RGS6: variants seen among roughly 807,000 people sequenced by gnomAD.
The protein encoded by RGS6 is regulator of G protein signaling 6, also known as regulator of G-protein signaling 6.
Under a neutral mutation model 78.5 loss-of-function variants are expected in RGS6, and 30 were observed. That is an observed-to-expected ratio of 0.38 (90% confidence interval 0.29 to 0.52). The LOEUF (loss-of-function observed/expected upper bound fraction) is 0.52, where lower values mean the gene tolerates loss of function less well. Ranked by LOEUF, RGS6 falls within the 20% of genes least tolerant of loss-of-function variation. The probability of loss-of-function intolerance (pLI) is 0.85; values close to 1 mark genes in which losing one functional copy is unlikely to be tolerated. For missense variants in RGS6, 495 were observed against 609.7 expected (o/e 0.81, Z 1.98); for synonymous variants, 206 against 206.0 (o/e 1.00, Z 0.00).
At chr14:72,329,921 C>G (rs1459445663) in intron 2 of RGS6, among the ~76,000 whole-genome samples, 1 of 152,208 alleles carries the variant, frequency 6.6e-6, no homozygotes, top group East Asian at 1.9e-4. Flanking sequence ...CTGCCCTTCT[C>G]TACTCAGTGA....
At chr14:72,121,519 A>G (rs2096052990) in intron 2 of RGS6, among the ~76,000 whole-genome samples, 1 of 152,136 alleles carries the variant, frequency 6.6e-6, no homozygotes, top group African/African-American at 2.4e-5. Context: ...ATTAGGGATC[A>G]CAGAGTGATC....
intron 2 of RGS6, among the ~76,000 whole-genome samples, chr14:72,282,600 A>G (rs890328621): frequency 2.0e-5 from 3 of 152,162 alleles, no homozygotes; most frequent in African/African-American, 7.2e-5. Flanking sequence ...AAGTTTTAAC[A>G]GCTTTTTTGA....
chr14:72,062,052 T>A (rs181669660), intron 2 of RGS6, among the ~76,000 whole-genome samples: 93 of 152,294 alleles, frequency 6.1e-4, no homozygotes, highest in South Asian at 1.0e-3. Context: ...TGATGAGAGT[T>A]ATAAAGACAA....
intron 2 of RGS6, among the ~76,000 whole-genome samples, chr14:72,340,209 A>G (rs1400668865): frequency 2.0e-5 from 3 of 152,112 alleles, no homozygotes; most frequent in African/African-American, 4.8e-5. Flanking sequence ...CTACACTACA[A>G]TTTATCTCAG....
At chr14:72,602,394 G>A in the RGS6 span, among the ~76,000 whole-genome samples, 14 of 152,160 alleles carry the variant, frequency 9.2e-5, no homozygotes, top group South Asian at 2.1e-4. Flanking sequence ...TAATCCTCAC[G>A]GCAACCCTAC....
chr14:72,266,725 C>T (rs2059124529), intron 2 of RGS6, among the ~76,000 whole-genome samples: 1 of 152,206 alleles, frequency 6.6e-6, no homozygotes, highest in Non-Finnish European at 1.5e-5. Flanking sequence ...CTGAACTAAA[C>T]TGATGGCCTT....
chr14:72,613,293 G>C, the RGS6 span, among the ~76,000 whole-genome samples: 188 of 152,218 alleles, frequency 1.2e-3, no homozygotes, highest in African/African-American at 4.1e-3. Flanking sequence ...GCGTTTATTT[G>C]CTAGACAGGG....
At chr14:72,590,045 C>T in the RGS6 span, among the ~76,000 whole-genome samples, 1 of 152,174 alleles carries the variant, frequency 6.6e-6, no homozygotes, top group Non-Finnish European at 1.5e-5. Flanking sequence ...AAAAGATGCT[C>T]AACATTAGTA....
chr14:72,446,920 G>A (rs1336473644), intron 3 of RGS6, among the ~76,000 whole-genome samples: 2 of 152,118 alleles, frequency 1.3e-5, no homozygotes, highest in Non-Finnish European at 2.9e-5. Context: ...GGGAGGGGCT[G>A]TAAATACAGA....
chr14:72,533,847 A>G (rs2097211960), intron 15 of RGS6, among the ~76,000 whole-genome samples: 1 of 152,248 alleles, frequency 6.6e-6, no homozygotes, highest in Non-Finnish European at 1.5e-5. Context: ...TTCCTATGGA[A>G]GAGTAAAGAA....
chr14:72,092,048 G>GTC (rs2095286071), intron 2 of RGS6, among the ~76,000 whole-genome samples: 2 of 146,090 alleles, frequency 1.4e-5, no homozygotes, highest in Non-Finnish European at 1.5e-5. Flanking sequence ...TTTTGAGACA[G>GTC]TCTCTCTCTC....
chr14:71,993,536 A>G (rs905643324), intron 2 of RGS6, among the ~76,000 whole-genome samples: 1 of 152,176 alleles, frequency 6.6e-6, no homozygotes, highest in South Asian at 2.1e-4. Context: ...TATTGTTGTT[A>G]TCCTTACTTT....
chr14:71,884,495 G>T, the RGS6 span, among the ~76,000 whole-genome samples: 3 of 152,300 alleles, frequency 2.0e-5, no homozygotes, highest in South Asian at 6.2e-4. Context: ...GTTCATTTTA[G>T]AACTTTACAT....
chr14:72,282,748 C>T lies in RGS6; in HGVS notation c.85-69347C>T, dbSNP rs544119028. On this transcript the variant is annotated intron_variant, in intron 2 of 17. Coordinates refer to ENST00000553525, the MANE Select transcript of RGS6 (RefSeq NM_001204424.2). ...TCACCTCCAGAAGTTTCCTTGTGCC[C>T]CCTTGTTGTTTTTGTTTGTTTGTGT... Among the ~76,000 whole-genome samples, 7 of 152,186 alleles carry T rather than the reference C, an allele frequency of 4.6e-5. 1 individual carries two copies. The South Asian group carries it at 6.3e-4, about 14-fold the overall frequency.
At chr14:72,506,684 G>C (rs997671622) in intron 13 of RGS6, among the ~76,000 whole-genome samples, 7 of 152,136 alleles carry the variant, frequency 4.6e-5, no homozygotes, top group Non-Finnish European at 1.0e-4. Context: ...GGATAGTTGA[G>C]GGAAGCCAAG....
At chr14:72,355,017 G>C (rs2079954273) in intron 3 of RGS6, among the ~76,000 whole-genome samples, 1 of 152,022 alleles carries the variant, frequency 6.6e-6, no homozygotes, top group Non-Finnish European at 1.5e-5. Flanking sequence ...ACACTGATCT[G>C]TTGTTTTTCT....
chr14:72,054,444 A>G (rs578081605), intron 2 of RGS6, among the ~76,000 whole-genome samples: 1 of 152,262 alleles, frequency 6.6e-6, no homozygotes, highest in South Asian at 2.1e-4. Flanking sequence ...GAAAGATGGG[A>G]TGATTCTAGC....
chr14:72,172,866 A>G (rs1438825231), intron 2 of RGS6, among the ~76,000 whole-genome samples: 1 of 152,220 alleles, frequency 6.6e-6, no homozygotes, highest in Non-Finnish European at 1.5e-5. Flanking sequence ...CTGATGACAA[A>G]TAATGTTGGC....
chr14:72,266,278 G>T (rs551773451), intron 2 of RGS6, among the ~76,000 whole-genome samples: 22 of 152,332 alleles, frequency 1.4e-4, no homozygotes, highest in African/African-American at 3.8e-4. Flanking sequence ...ACACATGGTG[G>T]TCTCAAAGTA....
Sources: gnomAD v4.1 joint callset for allele counts (sites outside exome capture counted in the v4.1 genomes callset) on GRCh38, gnomAD v4.1.1 for gene constraint, MANE v1.5 for transcripts, NCBI Gene and HGNC (gene_info 2026-07-23, HGNC 2026-07-21) for gene names.